The following VDAC1 variants were observed in gnomAD, a reference collection of about 807,000 sequenced individuals.
VDAC1 encodes the protein voltage dependent anion channel 1, also known as non-selective voltage-gated ion channel VDAC1.
VDAC1 carries 10 observed loss-of-function variants against 34.7 expected under a neutral mutation model. The observed-to-expected ratio is 0.29, with a 90% confidence interval of 0.18 to 0.49. VDAC1 has a LOEUF of 0.49. VDAC1 is among the 20% of genes least tolerant of loss of function. VDAC1 has a pLI of 0.99. For missense variants in VDAC1, 230 were observed against 347.9 expected (o/e 0.66, Z 2.69); for synonymous variants, 130 against 136.0 (o/e 0.96, Z 0.30).
At chr5:134,104,656 G>A in the VDAC1 span, among the ~76,000 whole-genome samples, 1 of 152,212 alleles carries the variant, frequency 6.6e-6, no homozygotes, top group Non-Finnish European at 1.5e-5. Context: ...GGGCCAGGAG[G>A]AGAAAGGGGA....
the VDAC1 span, among the ~76,000 whole-genome samples, chr5:134,039,403 A>G: frequency 1.1e-4 from 16 of 151,974 alleles, no homozygotes. Flanking sequence ...ATCTCGGCTC[A>G]CTGTAAGCTC....
chr5:134,070,588 G>A, the VDAC1 span, among the ~76,000 whole-genome samples: 1 of 152,178 alleles, frequency 6.6e-6, no homozygotes, highest in East Asian at 1.9e-4. Flanking sequence ...AGAATGTGTT[G>A]TCTTATTTCC....
chr5:134,056,212 GC>G, the VDAC1 span, among the ~76,000 whole-genome samples: 3 of 138,260 alleles, frequency 2.2e-5, no homozygotes, highest in Admixed American at 2.4e-4. Flanking sequence ...TTGCACTCCA[GC>G]CTAGGCGACA....
chr5:134,114,138 C>T, the VDAC1 span, among the ~76,000 whole-genome samples: 1 of 152,178 alleles, frequency 6.6e-6, no homozygotes, highest in Admixed American at 6.5e-5. Context: ...TACTTATGTT[C>T]GCACTGTATG....
intron 1 of VDAC1, among the ~76,000 whole-genome samples, chr5:134,004,331 G>C (rs1036051675): frequency 3.2e-4 from 48 of 152,008 alleles, no homozygotes; most frequent in Admixed American, 3.0e-3. Flanking sequence ...CGCGCGGCCC[G>C]CCGGGCCTCC....
the VDAC1 span, among the ~76,000 whole-genome samples, chr5:134,030,412 G>T: frequency 6.6e-6 from 1 of 152,050 alleles, no homozygotes; most frequent in Non-Finnish European, 1.5e-5. Flanking sequence ...TGCCCATCAT[G>T]TTGGACAGGG....
the VDAC1 span, among the ~76,000 whole-genome samples, chr5:134,013,710 A>G: frequency 6.6e-6 from 1 of 152,202 alleles, no homozygotes; most frequent in Non-Finnish European, 1.5e-5. Context: ...TAGGAGGCCA[A>G]GGCAGGCAGA....
the VDAC1 span, among the ~76,000 whole-genome samples, chr5:134,073,098 C>T: frequency 6.6e-6 from 1 of 152,270 alleles, no homozygotes; most frequent in South Asian, 2.1e-4. Flanking sequence ...GAACATCTGA[C>T]CCGGCAGCCC....
chr5:133,972,977 T>C, intron 8 of VDAC1, 115 bp from the exon 9 acceptor site: 1 of 781,938 alleles, frequency 1.3e-6, no homozygotes, highest in South Asian at 1.7e-5. Flanking sequence ...GGGTCCAAAC[T>C]ACATGGCCCT....
upstream of VDAC1, among the ~76,000 whole-genome samples, chr5:134,009,096 A>G (rs1753795169): frequency 2.6e-5 from 4 of 152,096 alleles, no homozygotes; most frequent in Admixed American, 2.6e-4. Flanking sequence ...CCAAAACATG[A>G]GGTGTCCTAG....
chr5:133,981,511 A>G (rs1009405515), intron 5 of VDAC1, among the ~76,000 whole-genome samples: 2 of 152,204 alleles, frequency 1.3e-5, no homozygotes, highest in Non-Finnish European at 2.9e-5. Context: ...CAATGAGTAC[A>G]TATTTCAGAG....
the VDAC1 span, among the ~76,000 whole-genome samples, chr5:134,034,291 C>G: frequency 1.3e-5 from 2 of 152,132 alleles, no homozygotes; most frequent in Non-Finnish European, 2.9e-5. Flanking sequence ...GATTGTGTCC[C>G]CCAAAAGACA....
chr5:134,013,732 C>T, the VDAC1 span, among the ~76,000 whole-genome samples: 2 of 152,240 alleles, frequency 1.3e-5, no homozygotes, highest in African/African-American at 4.8e-5. Flanking sequence ...CACCTGAGGT[C>T]AGGAGTTCAA....
At chr5:134,075,361 ACTG>A in the VDAC1 span, among the ~76,000 whole-genome samples, 4 of 152,052 alleles carry the variant, frequency 2.6e-5, no homozygotes, top group Admixed American at 6.5e-5. Context: ...CTACTTTCAC[ACTG>A]CTATTTACAA....
At chr5:134,094,261 A>C in the VDAC1 span, among the ~76,000 whole-genome samples, 4 of 152,224 alleles carry the variant, frequency 2.6e-5, no homozygotes, top group African/African-American at 9.6e-5. Flanking sequence ...TCCATACTGC[A>C]TACCTGGGCA....
At chr5:134,076,676 C>T in the VDAC1 span, among the ~76,000 whole-genome samples, 1 of 152,284 alleles carries the variant, frequency 6.6e-6, no homozygotes, top group East Asian at 1.9e-4. Context: ...GGGCTCAAGA[C>T]ACGGCCCTCC....
intron 1 of VDAC1, among the ~76,000 whole-genome samples, chr5:133,998,853 GAT>G (rs1753432652): frequency 6.6e-6 from 1 of 152,226 alleles, no homozygotes; most frequent in Non-Finnish European, 1.5e-5. Context: ...TGCCAGAAGA[GAT>G]GGAACTCCTC....
chr5:134,110,711 G>A, the VDAC1 span, among the ~76,000 whole-genome samples: 1 of 152,350 alleles, frequency 6.6e-6, no homozygotes, highest in East Asian at 1.9e-4. Context: ...AAGAGACGCC[G>A]CTCACAACCT....
At chr5:134,095,840 A>T in the VDAC1 span, among the ~76,000 whole-genome samples, 1 of 152,246 alleles carries the variant, frequency 6.6e-6, no homozygotes, top group Non-Finnish European at 1.5e-5. Flanking sequence ...CAATGGCCAC[A>T]TGTGGCTAGT....
Sources: allele counts gnomAD v4.1 joint callset (sites outside exome capture counted in the v4.1 genomes callset), GRCh38; gene constraint gnomAD v4.1.1; transcripts MANE v1.5; gene names NCBI Gene and HGNC (gene_info 2026-07-23, HGNC 2026-07-21).